F13A1: variants seen among roughly 807,000 people sequenced by gnomAD.
The protein encoded by F13A1 is coagulation factor XIII A chain.
Under a neutral mutation model 80.1 loss-of-function variants are expected in F13A1, and 47 were observed. The ratio of observed to expected loss-of-function variants is 0.59; its 90% CI spans 0.46 to 0.75. F13A1 has a LOEUF of 0.75. F13A1 is among the 30% of genes least tolerant of loss of function. The pLI, the probability that F13A1 is intolerant of heterozygous loss-of-function variation, is 0.00. For synonymous variants in F13A1, 349 were observed against 344.9 expected (o/e 1.01, Z -0.13); for missense variants, 817 against 930.4 (o/e 0.88, Z 1.59).
At chr6:6,296,683 C>T (rs1365469921) in intron 3 of F13A1, among the ~76,000 whole-genome samples, 5 of 147,416 alleles carry the variant, frequency 3.4e-5, no homozygotes, top group Non-Finnish European at 3.0e-5. Context: ...ACAATCATGT[C>T]GTCTGCAAAC....
chr6:6,262,437 G>A (rs1237205811), intron 4 of F13A1, among the ~76,000 whole-genome samples: 1 of 152,246 alleles, frequency 6.6e-6, no homozygotes, highest in Non-Finnish European at 1.5e-5. Flanking sequence ...CAGCACAAGT[G>A]TGAGTAGGAC....
chr6:6,164,978 GGT>G (rs1186055950), intron 13 of F13A1, among the ~76,000 whole-genome samples: 1 of 152,118 alleles, frequency 6.6e-6, no homozygotes, highest in African/African-American at 2.4e-5. Context: ...TGGTCCTTAG[GGT>G]GTGAGTGCTT....
At chr6:6,290,804 A>G (rs1458092788) in intron 3 of F13A1, among the ~76,000 whole-genome samples, 1 of 152,230 alleles carries the variant, frequency 6.6e-6, no homozygotes, top group Non-Finnish European at 1.5e-5. Context: ...CATTCTATAT[A>G]AATGTTGCTT....
intron 4 of F13A1, among the ~76,000 whole-genome samples, chr6:6,255,484 C>T (rs1431045219): frequency 3.9e-5 from 6 of 152,186 alleles, no homozygotes; most frequent in Non-Finnish European, 7.4e-5. Context: ...TCCAAAGGAT[C>T]GGATGACTGC....
intron 8 of F13A1, among the ~76,000 whole-genome samples, chr6:6,209,534 T>G (rs1398575434): frequency 6.6e-6 from 1 of 152,088 alleles, no homozygotes; most frequent in East Asian, 1.9e-4. Context: ...TATGTTCACA[T>G]AAAAACTTTT....
chr6:6,279,373 A>C (rs748081765), intron 3 of F13A1, among the ~76,000 whole-genome samples: 11 of 152,206 alleles, frequency 7.2e-5, no homozygotes, highest in Non-Finnish European at 1.6e-4. Context: ...AGTTTGCCAG[A>C]TTTCACAGTT....
In F13A1 at chr6:6,291,244, C is replaced by G. The variant is rs561147293; in HGVS notation, c.319+14107G>C. ...AGGAATTTTCCTTCCTACTCAGCCCCTCACCCGTGCCCCTGTCCTCTATGC... is the reference window on the plus strand; with the variant it reads ...AGGAATTTTCCTTCCTACTCAGCCCGTCACCCGTGCCCCTGTCCTCTATGC... On this transcript the variant is annotated intron_variant, in intron 3 of 14. Coordinates refer to ENST00000264870, the MANE Select transcript of F13A1 (RefSeq NM_000129.4). Among the ~76,000 whole-genome samples the G allele has an allele frequency of 3.4e-4, 51 of 152,232 alleles. No individual in the cohort carries two copies. In the South Asian group the frequency reaches 0.011, roughly 32 times the overall value.
intron 6 of F13A1, among the ~76,000 whole-genome samples, chr6:6,225,247 A>T (rs951934646): frequency 3.3e-5 from 5 of 152,148 alleles, no homozygotes; most frequent in Non-Finnish European, 7.3e-5. Flanking sequence ...TCAAGTAGGG[A>T]ACTTGTCTTG....
At chr6:6,223,900 A>G (rs948751071) in intron 7 of F13A1, among the ~76,000 whole-genome samples, 1 of 152,224 alleles carries the variant, frequency 6.6e-6, no homozygotes, top group Non-Finnish European at 1.5e-5. Context: ...CCAAGGCTGT[A>G]GAAATGACTT....
At chr6:6,260,598 G>C (rs531664313) in intron 4 of F13A1, among the ~76,000 whole-genome samples, 10 of 152,146 alleles carry the variant, frequency 6.6e-5, no homozygotes, top group South Asian at 2.1e-4. Context: ...GTGTGTGTTG[G>C]GGGGAGCGGT....
At chr6:6,183,604 T>A (rs755874417) in intron 10 of F13A1, among the ~76,000 whole-genome samples, 84 of 152,210 alleles carry the variant, frequency 5.5e-4, no homozygotes, top group Admixed American at 1.3e-3. Context: ...TGTTAGATAG[T>A]CAGGCTTGAG....
chr6:6,176,871 A>T (rs1760890401), intron 11 of F13A1, among the ~76,000 whole-genome samples: 1 of 152,162 alleles, frequency 6.6e-6, no homozygotes, highest in South Asian at 2.1e-4. Context: ...GAAGCCTTGA[A>T]GCCAGCCACA....
At chr6:6,307,398 C>A (rs1376227532) in intron 2 of F13A1, among the ~76,000 whole-genome samples, 1 of 152,170 alleles carries the variant, frequency 6.6e-6, no homozygotes, top group Non-Finnish European at 1.5e-5. Flanking sequence ...CTATTCCAAG[C>A]TGCCTTTCTC....
intron 2 of F13A1, among the ~76,000 whole-genome samples, chr6:6,309,717 C>T (rs901000421): frequency 2.0e-5 from 3 of 152,040 alleles, no homozygotes; most frequent in African/African-American, 4.8e-5. Flanking sequence ...CTTCTGGTGG[C>T]AGAGTGGAAA....
intron 10 of F13A1, among the ~76,000 whole-genome samples, chr6:6,191,198 G>A (rs1018217415): frequency 3.3e-5 from 5 of 152,224 alleles, no homozygotes; most frequent in African/African-American, 1.2e-4. Context: ...CGTCACTCAT[G>A]CTGGGAGCTG....
At chr6:6,203,383 G>C (rs1761431241) in intron 8 of F13A1, among the ~76,000 whole-genome samples, 1 of 152,208 alleles carries the variant, frequency 6.6e-6, no homozygotes, top group Non-Finnish European at 1.5e-5. Context: ...TGTTGACTTT[G>C]AGTTAATTAA....
intron 5 of F13A1, among the ~76,000 whole-genome samples, 197 bp from the exon 6 acceptor site, chr6:6,248,616 A>G (rs1757588106): frequency 6.6e-6 from 1 of 152,236 alleles, no homozygotes; most frequent in African/African-American, 2.4e-5. Flanking sequence ...ATTAAAGTGA[A>G]TAAGAATATA....
At chr6:6,287,424 C>G (rs1758154196) in intron 3 of F13A1, among the ~76,000 whole-genome samples, 1 of 152,066 alleles carries the variant, frequency 6.6e-6, no homozygotes, top group South Asian at 2.1e-4. Flanking sequence ...TCATAAGATA[C>G]AAGTGTGAAG....
intron 8 of F13A1, chr6:6,206,536 G>T (rs555668382): frequency 2.0e-4 from 97 of 489,580 alleles, no homozygotes; most frequent in South Asian, 1.4e-3. Context: ...TCTCAAGTGA[G>T]ACTTGAGTGG....
Sources: gnomAD v4.1 joint callset for allele counts (sites outside exome capture counted in the v4.1 genomes callset) on GRCh38, gnomAD v4.1.1 for gene constraint, MANE v1.5 for transcripts, NCBI Gene and HGNC (gene_info 2026-07-23, HGNC 2026-07-21) for gene names.